ANKRD18B: variants seen among roughly 807,000 people sequenced by gnomAD.
ANKRD18B encodes the protein ankyrin repeat domain-containing protein 18B.
A neutral mutation model predicts 111.8 loss-of-function variants in ANKRD18B; 75 were observed. The observed-to-expected ratio is 0.67, with a 90% CI of 0.56 to 0.81. The LOEUF (loss-of-function observed/expected upper bound fraction) is 0.81, where lower values mean the gene tolerates loss of function less well. Ranked by LOEUF, ANKRD18B falls within the 40% of genes least tolerant of loss-of-function variation. The pLI is 0.00. For missense variants in ANKRD18B, 1,038 were observed against 1,225.5 expected (o/e 0.85, Z 2.28); for synonymous variants, 356 against 417.3 (o/e 0.85, Z 1.79).
At position 33,547,996 on chromosome 9, in the gene ANKRD18B, G is replaced by C. The variant is rs755255028; in HGVS notation, c.1208G>C (p.Arg403Thr). The C allele has an allele frequency of 1.1e-5, 17 of 1,488,262 alleles. No homozygotes were observed. Among genetic ancestry groups the C allele is most frequent in the African/African-American group, 7.1e-5 (5 of 69,962 alleles). The allele number at this position is 1,488,262 out of a possible 1,614,324, so 92.2% of individuals were successfully genotyped here. ...ATGTTTGGAAATTTTATGTTGAAGA[G>C]AGACATTGCCATGCTCAAAGAGGAA... ...DEMFGNFMLK[R>T]DIAMLKEELY... The change falls in exon 11 of 19, where the codon AGA becomes ACA. Residue 403 changes from arginine (R) to threonine (T), a missense_variant. Arg to Thr is a moderately conservative substitution (Grantham distance 71, BLOSUM62 -1). Coordinates refer to ENST00000684830, the MANE Select transcript of ANKRD18B (RefSeq NM_001393611.1).
chr9:33,555,893 C>A (rs1159437228), intron 13 of ANKRD18B, 73 bp downstream of exon 13: 11 of 979,084 alleles, frequency 1.1e-5, no homozygotes, highest in Admixed American at 4.0e-5. Context: ...TTGACTAAAA[C>A]TTTGATACAA....
At chr9:33,535,318 C>T (rs544120765) in intron 5 of ANKRD18B, among the ~76,000 whole-genome samples, 2 of 151,972 alleles carry the variant, frequency 1.3e-5, no homozygotes, top group African/African-American at 4.8e-5. Context: ...TGGAGTCTTG[C>T]TCAGTCGCCC....
intron 3 of ANKRD18B, 121 bp downstream of exon 3, chr9:33,529,294 T>C (rs1828077122): frequency 7.3e-7 from 1 of 1,364,934 alleles, no homozygotes. Context: ...ATAACTTAAT[T>C]GTCTAAAATT....
intron 10 of ANKRD18B, among the ~76,000 whole-genome samples, chr9:33,545,212 G>A (rs925184323): frequency 1.3e-5 from 2 of 152,158 alleles, no homozygotes; most frequent in African/African-American, 4.8e-5. Flanking sequence ...GTTTCTCACA[G>A]AGATGAAGAA....
chr9:33,547,815 C>T, intron 10 of ANKRD18B, 123 bp from the exon 11 acceptor site: 6 of 652,982 alleles, frequency 9.2e-6, no homozygotes, highest in South Asian at 4.1e-5. Context: ...TTTTTTTCTC[C>T]AGTTGGTTAT....
intron 11 of ANKRD18B, 115 bp from the exon 12 acceptor site, chr9:33,550,315 A>G (rs1372667696): frequency 8.9e-7 from 1 of 1,122,900 alleles, no homozygotes; most frequent in African/African-American, 1.6e-5. Context: ...TGAGGAAAAG[A>G]AAGTGAATCT....
intron 14 of ANKRD18B, among the ~76,000 whole-genome samples, chr9:33,561,042 A>T (rs1828599813): frequency 6.6e-6 from 1 of 152,212 alleles, no homozygotes. Flanking sequence ...ATTTTTGTGG[A>T]GTATATACTT....
chr9:33,550,042 C>T (rs1394392405), intron 11 of ANKRD18B, among the ~76,000 whole-genome samples: 1 of 152,010 alleles, frequency 6.6e-6, no homozygotes, highest in Non-Finnish European at 1.5e-5. Context: ...GTTGTAGGAG[C>T]TGAGGTCAGG....
intron 14 of ANKRD18B, among the ~76,000 whole-genome samples, chr9:33,558,482 G>T (rs964414763): frequency 2.0e-5 from 3 of 152,026 alleles, no homozygotes; most frequent in Non-Finnish European, 4.4e-5. Context: ...GTTTGCTGAG[G>T]ATAACAGCTT....
At chr9:33,563,235 C>T (rs955273730) in intron 14 of ANKRD18B, among the ~76,000 whole-genome samples, 1 of 152,082 alleles carries the variant, frequency 6.6e-6, no homozygotes, top group Non-Finnish European at 1.5e-5. Context: ...ATTTTTCTAA[C>T]AATTACCCAG....
Position 33,541,202 on chromosome 9 carries a change from G to C in ANKRD18B, c.1053G>C (p.Leu351Phe). 1 of 1,545,224 alleles carries C rather than the reference G, an allele frequency of 6.5e-7. No individual in the cohort carries two copies. The highest frequency in any genetic ancestry group is 8.7e-7 in the Non-Finnish European group (1 of 1,145,368). Residue 351 changes from leucine to phenylalanine, a missense_variant, in exon 9 of 19, where the codon TTG becomes TTC. Transcript: ENST00000684830. ...AAAAAAGAAAAAAAAGAAAAAAATT[G>C]AAAAAAAGAAAAGAAGGTGCAAAAG... ...NLKKRKKRKK[L>F]KKRKEGAKEH...
intron 15 of ANKRD18B, among the ~76,000 whole-genome samples, chr9:33,566,757 G>C (rs190704803): frequency 1.3e-5 from 2 of 152,054 alleles, no homozygotes; most frequent in South Asian, 2.1e-4. Context: ...AGACCAGTTG[G>C]CATAAGAGAA....
Position 33,548,057 on chromosome 9 carries a change from A to T in ANKRD18B, c.1269A>T (p.Glu423Asp). Residue 423 changes from glutamate (E) to aspartate (D), a missense_variant, in exon 11 of 19, where the codon GAA becomes GAT. Glu to Asp is a conservative substitution (Grantham distance 45). Around this residue, in one of 4 missense-constraint regions of ANKRD18B, gnomAD observed 205 missense variants for 201.3 expected, o/e 1.02. Coordinates refer to ENST00000684830, the MANE Select transcript of ANKRD18B (RefSeq NM_001393611.1). ...TAAAAAATGACAGTCTCAGAAAGGAAAAGAAATATATTCAGGAAATTAAAA... is the reference window on the plus strand; with the variant it reads ...TAAAAAATGACAGTCTCAGAAAGGATAAGAAATATATTCAGGAAATTAAAA... ...YAIKNDSLRK[E>D]KKYIQEIKSI... 6.5e-7 allele frequency: 1 copy of T among 1,537,600 alleles called. No individual in the cohort carries two copies. The highest frequency in any genetic ancestry group is 8.8e-7 in the Non-Finnish European group (1 of 1,142,534).
rs1828722484 is a variant in ANKRD18B, at chr9:33,568,686, A to G, written c.2970A>G (p.Ile990Met). 1.3e-6 allele frequency: 2 copies of G among 1,541,690 alleles called. No homozygotes were observed. Among genetic ancestry groups the G allele is most frequent in the Non-Finnish European group, 1.7e-6 (2 of 1,143,882 alleles). Reference protein sequence around the residue: ...SEKITKSDKKIAVISTKLFME... With the variant: ...SEKITKSDKKMAVISTKLFME... ...CTCTTTACAGATCGGATAAGAAAAT[A>G]GCTGTGATCAGCACCAAGCTCTTTA... Residue 990 changes from isoleucine (I) to methionine (M), a missense_variant, in exon 17 of 19, where the codon ATA (isoleucine) becomes ATG (methionine). Physicochemically the swap from Ile to Met is conservative, Grantham distance 10. Around this residue, in one of 4 missense-constraint regions of ANKRD18B, gnomAD observed 524 missense variants for 677.9 expected, o/e 0.77. Transcript: ENST00000684830.
intron 6 of ANKRD18B, among the ~76,000 whole-genome samples, chr9:33,537,961 T>G (rs533345494): frequency 2.0e-5 from 3 of 152,196 alleles, no homozygotes; most frequent in African/African-American, 7.2e-5. Context: ...CTTTATCATC[T>G]TCAGGTTGAT....
At chr9:33,529,945 A>C (rs1015500259) in intron 3 of ANKRD18B, among the ~76,000 whole-genome samples, 5 of 152,166 alleles carry the variant, frequency 3.3e-5, no homozygotes, top group African/African-American at 4.8e-5. Context: ...AAGAGTCTAA[A>C]CTCTCCTTTC....
chr9:33,562,532 T>C (rs367846056), intron 14 of ANKRD18B, among the ~76,000 whole-genome samples: 1 of 151,968 alleles, frequency 6.6e-6, no homozygotes, highest in Middle Eastern at 3.2e-3. Flanking sequence ...AAGAAAAAGT[T>C]TTAGGAGTGC....
chr9:33,545,231 ATTG>A (rs1250019562), intron 10 of ANKRD18B, among the ~76,000 whole-genome samples: 1 of 152,216 alleles, frequency 6.6e-6, no homozygotes, highest in Non-Finnish European at 1.5e-5. Flanking sequence ...AAGAAAGAGA[ATTG>A]TTGTAATGAT....
chr9:33,566,205 T>C lies in ANKRD18B; in HGVS notation c.2461-14T>C. On this transcript the variant is annotated splice_polypyrimidine_tract_variant and intron_variant, in intron 14 of 18. Coordinates refer to ENST00000684830, the MANE Select transcript of ANKRD18B (RefSeq NM_001393611.1). ...CCTACTTCATTATCAAGCTCTATTA[T>C]TTTATTAATGCAGTTTGATGATCTT... 6.5e-7 allele frequency: 1 copy of C among 1,539,994 alleles called. No individual in the cohort carries two copies. Among genetic ancestry groups the C allele is most frequent in the South Asian group, 1.2e-5 (1 of 80,926 alleles).
Sources: allele counts gnomAD v4.1 joint callset (sites outside exome capture counted in the v4.1 genomes callset), GRCh38; gene constraint gnomAD v4.1.1; regional missense constraint gnomAD v4.1.1; transcripts MANE v1.5; gene names NCBI Gene and HGNC (gene_info 2026-07-23, HGNC 2026-07-21).